The following GRIN2A variants were observed in gnomAD, a reference collection of about 807,000 sequenced individuals.
The protein encoded by GRIN2A is glutamate receptor ionotropic, NMDA 2A.
Under a neutral mutation model 113.4 loss-of-function variants are expected in GRIN2A, and 22 were observed. That is an observed-to-expected ratio of 0.19 (90% confidence interval 0.14 to 0.28). The LOEUF is 0.28. GRIN2A is among the 10% of genes least tolerant of loss of function. GRIN2A has a pLI of 1.00. For missense variants in GRIN2A, 1,502 were observed against 1,887.0 expected (o/e 0.80, Z 3.78); for synonymous variants, 827 against 738.4 (o/e 1.12, Z -1.94).
chr16:9,802,486 A>C (rs1903422374), intron 10 of GRIN2A, among the ~76,000 whole-genome samples: 1 of 152,174 alleles, frequency 6.6e-6, no homozygotes, highest in Admixed American at 6.5e-5. Flanking sequence ...ACTAATAATC[A>C]CTTTAAAAAA....
At chr16:9,975,310 G>A (rs368210764) in intron 2 of GRIN2A, among the ~76,000 whole-genome samples, 2 of 152,226 alleles carry the variant, frequency 1.3e-5, no homozygotes, top group South Asian at 2.1e-4. Flanking sequence ...ACCTAAAAAC[G>A]GAGAGATTAT....
chr16:9,895,281 GA>G (rs2043781780), intron 3 of GRIN2A, among the ~76,000 whole-genome samples: 1 of 152,196 alleles, frequency 6.6e-6, no homozygotes, highest in Non-Finnish European at 1.5e-5. Context: ...TGAGAAGGAA[GA>G]GGAAGGAAAA....
At chr16:9,950,396 C>A (rs1567195745) in intron 2 of GRIN2A, among the ~76,000 whole-genome samples, 1 of 151,970 alleles carries the variant, frequency 6.6e-6, no homozygotes, top group East Asian at 1.9e-4. Context: ...GAGGCCCTAG[C>A]CAAGGTAGAA....
intron 2 of GRIN2A, 139 bp from the exon 3 acceptor site, chr16:9,938,690 G>A (rs2044779626): frequency 1.4e-6 from 1 of 700,188 alleles, no homozygotes; most frequent in South Asian, 1.6e-5. Context: ...CTATATCCCA[G>A]ACTCCAGAAC....
chr16:10,058,271 A>T (rs552947017), intron 2 of GRIN2A, among the ~76,000 whole-genome samples: 62 of 150,828 alleles, frequency 4.1e-4, no homozygotes, highest in Non-Finnish European at 1.3e-4. Context: ...ACCAAAAAAC[A>T]AAAAAACCAA....
chr16:10,058,300 A>C (rs1466262267), intron 2 of GRIN2A, among the ~76,000 whole-genome samples: 1 of 151,964 alleles, frequency 6.6e-6, no homozygotes, highest in Admixed American at 6.6e-5. Context: ...AAAACAAAAA[A>C]CAAAAAACAA....
In GRIN2A at chr16:9,758,311, G is replaced by A. The variant is rs1900441529; in HGVS notation, c.*4838C>T. 1.3e-5 allele frequency: 3 copies of A among 223,948 alleles called. No individual in the cohort carries two copies. The highest frequency in any genetic ancestry group is 1.3e-4 in the East Asian group (2 of 15,640). The allele number at this position is 223,948 out of a possible 1,614,324, so 13.9% of individuals were successfully genotyped here. On this transcript the variant is annotated 3_prime_UTR_variant, in exon 13 of 13. Transcript: ENST00000330684. ...AGGAAATCACACACAAGTCCATATCGGCATTGTCTTCAGAAGCAAATGCGA... is the reference window on the plus strand; with the variant it reads ...AGGAAATCACACACAAGTCCATATCAGCATTGTCTTCAGAAGCAAATGCGA...
At chr16:10,029,957 A>G (rs2046898219) in intron 2 of GRIN2A, among the ~76,000 whole-genome samples, 1 of 152,118 alleles carries the variant, frequency 6.6e-6, no homozygotes, top group African/African-American at 2.4e-5. Context: ...AGATTGCACT[A>G]CTGCACTCTA....
At position 10,180,557 on chromosome 16, in the gene GRIN2A, A is replaced by G. The variant is rs942217234; in HGVS notation, c.-18-128T>C. The G allele has an allele frequency of 3.4e-6, 5 of 1,485,308 alleles. No individual in the cohort carries two copies. The highest frequency in any genetic ancestry group is 4.5e-6 in the Non-Finnish European group (5 of 1,120,564). 92.0% of individuals were successfully genotyped at this position (1,485,308 alleles called of 1,614,324 possible). On this transcript the variant is annotated intron_variant, in intron 1 of 12. Coordinates refer to ENST00000330684, the MANE Select transcript of GRIN2A (RefSeq NM_001134407.3). The surrounding 1 kb of genome is among the most constrained non-coding windows in gnomAD (Gnocchi z 7.0). ...AGCAGCAGGATAGGCTGCTGGGATCACGGACTCCATTCCGAGTCCCCGACG... is the reference window on the plus strand; with the variant it reads ...AGCAGCAGGATAGGCTGCTGGGATCGCGGACTCCATTCCGAGTCCCCGACG...
intron 2 of GRIN2A, among the ~76,000 whole-genome samples, chr16:10,141,595 A>C (rs1222761530): frequency 6.6e-6 from 1 of 152,246 alleles, no homozygotes; most frequent in Non-Finnish European, 1.5e-5. Context: ...CCAGGCTGGA[A>C]GATTCCTGCT....
intron 2 of GRIN2A, among the ~76,000 whole-genome samples, chr16:10,102,545 T>C (rs1419741071): frequency 6.6e-6 from 1 of 152,132 alleles, no homozygotes; most frequent in African/African-American, 2.4e-5. Flanking sequence ...TTCTTTTTTT[T>C]CTTTTCTTTT....
chr16:9,875,365 CCCTGTTCCAAA>C (rs1322889066), intron 4 of GRIN2A, among the ~76,000 whole-genome samples: 1 of 152,128 alleles, frequency 6.6e-6, no homozygotes, highest in East Asian at 1.9e-4. Flanking sequence ...CTATTTCTCC[CCCTGTTCCAAA>C]CCAGGTTCCA....
chr16:9,921,328 T>C (rs2044354941), intron 3 of GRIN2A, among the ~76,000 whole-genome samples: 1 of 152,178 alleles, frequency 6.6e-6, no homozygotes, highest in African/African-American at 2.4e-5. Flanking sequence ...GAGAGATCTT[T>C]GTACCAGCTT....
chr16:9,967,278 A>G (rs2045574080), intron 2 of GRIN2A, among the ~76,000 whole-genome samples: 1 of 152,216 alleles, frequency 6.6e-6, no homozygotes, highest in Non-Finnish European at 1.5e-5. Flanking sequence ...AAGGAACAAA[A>G]TGATGTCTTG....
intron 11 of GRIN2A, among the ~76,000 whole-genome samples, chr16:9,782,690 G>C (rs1346686388): frequency 2.0e-5 from 3 of 152,202 alleles, no homozygotes; most frequent in African/African-American, 7.2e-5. Flanking sequence ...GTGTTGGATT[G>C]ATAACAGACA....
At chr16:9,949,748 G>T (rs1464417245) in intron 2 of GRIN2A, among the ~76,000 whole-genome samples, 1 of 151,952 alleles carries the variant, frequency 6.6e-6, no homozygotes, top group Non-Finnish European at 1.5e-5. Flanking sequence ...TGGGTGGGTG[G>T]GTGGATGGAT....
At chr16:9,872,028 A>T (rs1234028655) in intron 4 of GRIN2A, among the ~76,000 whole-genome samples, 1 of 152,184 alleles carries the variant, frequency 6.6e-6, no homozygotes, top group South Asian at 2.1e-4. Flanking sequence ...TAGGGGCAAT[A>T]ATAGTGCCAA....
At chr16:9,802,016 G>A (rs753854092) in intron 10 of GRIN2A, among the ~76,000 whole-genome samples, 3 of 152,190 alleles carry the variant, frequency 2.0e-5, no homozygotes, top group Non-Finnish European at 4.4e-5. Context: ...CATTGTCTGA[G>A]ATACCATCTC....
chr16:10,057,262 G>T (rs2141999244), intron 2 of GRIN2A, among the ~76,000 whole-genome samples: 1 of 152,262 alleles, frequency 6.6e-6, no homozygotes, highest in South Asian at 2.1e-4. Flanking sequence ...AATATCACCA[G>T]ACCTCAAGAA....
Sources: gnomAD v4.1 joint callset for allele counts (sites outside exome capture counted in the v4.1 genomes callset) on GRCh38, gnomAD v4.1.1 for gene constraint, Gnocchi (gnomAD v3.1) non-coding constraint, MANE v1.5 for transcripts, NCBI Gene and HGNC (gene_info 2026-07-23, HGNC 2026-07-21) for gene names.